STX18: variants seen among roughly 807,000 people sequenced by gnomAD.
STX18 encodes the protein syntaxin 18.
Under a neutral mutation model 50.1 loss-of-function variants are expected in STX18, and 40 were observed. The ratio of observed to expected loss-of-function variants is 0.80; its 90% CI spans 0.62 to 1.04. STX18 has a LOEUF of 1.04. Among genes scored for constraint, STX18 ranks in the 50% least tolerant of loss-of-function variants. The probability of loss-of-function intolerance (pLI) is 0.00; values close to 1 mark genes in which losing one functional copy is unlikely to be tolerated. For missense variants in STX18, 410 were observed against 415.8 expected, an observed-to-expected ratio of 0.99 and a Z score of 0.12; for synonymous variants, 158 against 151.8, an observed-to-expected ratio of 1.04 and a Z score of -0.30.
At chr4:4,471,609 C>A in intron 2 of STX18, 30 bp downstream of exon 2, 1 of 1,466,036 alleles carries the variant, frequency 6.8e-7, no homozygotes, top group Non-Finnish European at 9.2e-7. Flanking sequence ...ACACAGTCAC[C>A]AAAGTCCTGG....
chr4:4,498,759 A>G (rs548647460), intron 1 of STX18, among the ~76,000 whole-genome samples: 2 of 152,354 alleles, frequency 1.3e-5, no homozygotes, highest in South Asian at 4.1e-4. Context: ...AAGCAGTTTA[A>G]GTTTTAAGAA....
intron 1 of STX18, among the ~76,000 whole-genome samples, chr4:4,473,329 G>T (rs369762904): frequency 9.6e-4 from 130 of 134,902 alleles, no homozygotes; most frequent in African/African-American, 3.5e-3. Context: ...GTCTTGCTCT[G>T]TCACCAGGGC....
At chr4:4,530,345 TA>T (rs1333674942) in intron 1 of STX18, among the ~76,000 whole-genome samples, 7 of 151,466 alleles carry the variant, frequency 4.6e-5, no homozygotes, top group African/African-American at 1.7e-4. Context: ...TTTGGGTAGT[TA>T]TTTTTTTAAG....
At position 4,420,955 on chromosome 4, in the gene STX18, A is replaced by G. The variant is rs1724922192; in HGVS notation, c.832-11T>C. ...GTCAATCTCAGCTTCCTGTGGAAGA[A>G]AAGATAAATACAAGTTGAGTATCCT... On this transcript the variant is annotated splice_polypyrimidine_tract_variant and intron_variant, in intron 9 of 10. Coordinates refer to ENST00000306200, the MANE Select transcript of STX18 (RefSeq NM_016930.4). The surrounding 1 kb of genome is among the most constrained non-coding windows in gnomAD (Gnocchi z 4.3). The G allele has an allele frequency of 2.5e-6, 4 of 1,613,470 alleles. No homozygotes were observed. Among genetic ancestry groups the G allele is most frequent in the Non-Finnish European group, 3.4e-6 (4 of 1,179,626 alleles).
intron 5 of STX18, among the ~76,000 whole-genome samples, chr4:4,447,011 A>G (rs1360505314): frequency 6.6e-6 from 1 of 152,258 alleles, no homozygotes; most frequent in Non-Finnish European, 1.5e-5. Context: ...TAAGCAAAGG[A>G]AAAGCCAGTT....
At chr4:4,509,433 G>A (rs1047893575) in intron 1 of STX18, among the ~76,000 whole-genome samples, 2 of 151,536 alleles carry the variant, frequency 1.3e-5, no homozygotes, top group African/African-American at 2.4e-5. Context: ...ATTTGTTTAA[G>A]TTCCTTGTGG....
At chr4:4,505,571 G>C (rs531874573) in intron 1 of STX18, among the ~76,000 whole-genome samples, 25 of 152,042 alleles carry the variant, frequency 1.6e-4, no homozygotes, top group African/African-American at 5.8e-4. Flanking sequence ...CTTGAGGCCA[G>C]GTGTTCGAGA....
At chr4:4,430,963 A>C (rs764242659) in intron 7 of STX18, among the ~76,000 whole-genome samples, 4 of 152,184 alleles carry the variant, frequency 2.6e-5, no homozygotes, top group Non-Finnish European at 5.9e-5. Flanking sequence ...TCATCCCTCC[A>C]CAGGATGAGA....
intron 5 of STX18, 97 bp downstream of exon 5, chr4:4,457,094 A>G (rs1017369906): frequency 7.6e-6 from 9 of 1,185,568 alleles, no homozygotes; most frequent in Non-Finnish European, 7.3e-6. Flanking sequence ...AAGTTCAAAC[A>G]CGGTACATTG....
chr4:4,434,137 C>T (rs1394712907), intron 7 of STX18, among the ~76,000 whole-genome samples: 6 of 152,202 alleles, frequency 3.9e-5, no homozygotes, highest in Admixed American at 3.9e-4. Context: ...TCTTAGAGGA[C>T]AGTGTCACAT....
intron 1 of STX18, among the ~76,000 whole-genome samples, chr4:4,501,154 C>CT (rs1729439601): frequency 6.6e-6 from 1 of 152,208 alleles, no homozygotes; most frequent in Non-Finnish European, 1.5e-5. Flanking sequence ...TAATGAACAT[C>CT]TTTTTGCTAA....
intron 1 of STX18, among the ~76,000 whole-genome samples, chr4:4,529,734 G>A (rs146805447): frequency 2.0e-4 from 30 of 152,236 alleles, no homozygotes; most frequent in African/African-American, 6.3e-4. Context: ...TCTGAACCTC[G>A]GTTTCTTCAT....
At chr4:4,500,003 G>T (rs1353825044) in intron 1 of STX18, among the ~76,000 whole-genome samples, 1 of 152,036 alleles carries the variant, frequency 6.6e-6, no homozygotes, top group African/African-American at 2.4e-5. Context: ...AGCTGTGTGT[G>T]ACTATCCCAG....
rs146146599 is a variant in STX18, at chr4:4,442,626, C to T, written c.498-4117G>A. The stretch of plus-strand genomic sequence containing the variant: ...AACGAGAGTCCGTATCAAAACAAAA[C>T]AAAACAAACGAAACAAAGCACCATG... On this transcript the variant is annotated intron_variant, in intron 5 of 10. Coordinates refer to ENST00000306200, the MANE Select transcript of STX18 (RefSeq NM_016930.4). Among the ~76,000 whole-genome samples, 749 of 152,040 alleles carry T rather than the reference C, an allele frequency of 4.9e-3. 9 individuals are homozygous for T. Among genetic ancestry groups the T allele is most frequent in the African/African-American group, 0.016 (681 of 41,478 alleles).
intron 1 of STX18, among the ~76,000 whole-genome samples, chr4:4,487,647 C>T (rs557279720): frequency 2.0e-5 from 3 of 152,258 alleles, no homozygotes; most frequent in South Asian, 4.1e-4. Flanking sequence ...AGCCTTCTGT[C>T]GCCTCCCCCC....
At chr4:4,473,452 C>A (rs906091513) in intron 1 of STX18, among the ~76,000 whole-genome samples, 1 of 151,950 alleles carries the variant, frequency 6.6e-6, no homozygotes, top group African/African-American at 2.4e-5. Flanking sequence ...GCCACCACAC[C>A]CGGCTAATTT....
rs115794838 is a variant in STX18 at position 4,504,603 on chromosome 4, G to A, written c.169-32897C>T. Among the ~76,000 whole-genome samples the A allele has an allele frequency of 8.9e-3, 1,362 of 152,254 alleles. 17 individuals are homozygous for A. The highest frequency in any genetic ancestry group is 0.011 in the Non-Finnish European group (767 of 68,000). Reference sequence around the variant, plus strand: ...GGACTTGTTGTTCAGAATGTATAAAGTACTCTCAAAGTCAAAACTAAGAAA... The same window carrying A: ...GGACTTGTTGTTCAGAATGTATAAAATACTCTCAAAGTCAAAACTAAGAAA... On this transcript the variant is annotated intron_variant, in intron 1 of 10. Coordinates refer to ENST00000306200, the MANE Select transcript of STX18 (RefSeq NM_016930.4).
At chr4:4,541,174 C>G (rs187995555) in intron 1 of STX18, among the ~76,000 whole-genome samples, 237 of 152,298 alleles carry the variant, frequency 1.6e-3, no homozygotes, top group African/African-American at 5.6e-3. Flanking sequence ...AACACTGTCC[C>G]TGCCCTTAAG....
At chr4:4,525,583 A>C (rs1269058401) in intron 1 of STX18, among the ~76,000 whole-genome samples, 2 of 152,188 alleles carry the variant, frequency 1.3e-5, no homozygotes, top group Non-Finnish European at 2.9e-5. Flanking sequence ...GACCAAGAAG[A>C]TATGGTGTCT....
Sources: allele counts gnomAD v4.1 joint callset (sites outside exome capture counted in the v4.1 genomes callset), GRCh38; gene constraint gnomAD v4.1.1; non-coding constraint Gnocchi (gnomAD v3.1); transcripts MANE v1.5; gene names NCBI Gene and HGNC (gene_info 2026-07-23, HGNC 2026-07-21).